The following CTNNA3 variants were observed in gnomAD, a reference collection of about 807,000 sequenced individuals.
CTNNA3 encodes catenin alpha-3.
A neutral mutation model predicts 95.7 loss-of-function variants in CTNNA3; 76 were observed. That is an observed-to-expected ratio of 0.79 (90% CI 0.66 to 0.96). The LOEUF (loss-of-function observed/expected upper bound fraction) is 0.96, where lower values mean the gene tolerates loss of function less well. Among genes scored for constraint, CTNNA3 ranks in the 40% least tolerant of loss-of-function variants. CTNNA3 has a pLI of 0.00. For synonymous variants in CTNNA3, 431 were observed against 374.4 expected (o/e 1.15, Z -1.74); for missense variants, 1,191 against 1,089.8 (o/e 1.09, Z -1.31).
At chr10:66,496,772 G>A (rs1005653852) in intron 11 of CTNNA3, among the ~76,000 whole-genome samples, 4 of 152,160 alleles carry the variant, frequency 2.6e-5, no homozygotes, top group East Asian at 1.9e-4. Flanking sequence ...GTGCTAGGTC[G>A]TTCAGAACAA....
At position 66,251,867 on chromosome 10, in the gene CTNNA3, C is replaced by T. The variant is rs182863888; in HGVS notation, c.1884+28603G>A. 1.5e-4 allele frequency among the ~76,000 whole-genome samples: 23 copies of T among 152,280 alleles called. No individual in the cohort carries two copies. In the East Asian group the frequency reaches 3.3e-3, roughly 22 times the overall value. On this transcript the variant is annotated intron_variant, in intron 13 of 17. Coordinates refer to ENST00000433211, the MANE Select transcript of CTNNA3 (RefSeq NM_013266.4). Reference sequence around the variant, plus strand: ...TAATCCTCAGTGGGAGATTTATCATCCCCATTTTGCAAATGAGGAAACACT... The same window carrying T: ...TAATCCTCAGTGGGAGATTTATCATTCCCATTTTGCAAATGAGGAAACACT...
At chr10:67,576,769 T>C (rs908015244) in intron 3 of CTNNA3, among the ~76,000 whole-genome samples, 1 of 112,648 alleles carries the variant, frequency 8.9e-6, no homozygotes, top group African/African-American at 4.6e-5. Flanking sequence ...GTGTTCTCAT[T>C]GTTCAATTCC....
chr10:66,151,380 A>G (rs1290024543), intron 13 of CTNNA3, among the ~76,000 whole-genome samples: 1 of 152,014 alleles, frequency 6.6e-6, no homozygotes, highest in African/African-American at 2.4e-5. Context: ...TAACTAAAAA[A>G]TGATAATAGT....
chr10:67,575,676 G>C (rs1313555898), intron 3 of CTNNA3, among the ~76,000 whole-genome samples: 1 of 152,068 alleles, frequency 6.6e-6, no homozygotes, highest in Admixed American at 6.6e-5. Flanking sequence ...GATTCTAGTG[G>C]GCAGAGTGAC....
chr10:67,096,400 T>C (rs1331839647), intron 7 of CTNNA3, among the ~76,000 whole-genome samples: 1 of 151,802 alleles, frequency 6.6e-6, no homozygotes, highest in Non-Finnish European at 1.5e-5. Flanking sequence ...AGGCCTTCTA[T>C]TTTTCTTAGC....
At chr10:67,155,906 G>C (rs902787520) in intron 7 of CTNNA3, among the ~76,000 whole-genome samples, 2 of 152,118 alleles carry the variant, frequency 1.3e-5, no homozygotes, top group African/African-American at 4.8e-5. Context: ...ATTCACCAGA[G>C]AAGCTATCTG....
At chr10:66,103,636 A>G (rs1423254807) in intron 13 of CTNNA3, among the ~76,000 whole-genome samples, 1 of 152,190 alleles carries the variant, frequency 6.6e-6, no homozygotes, top group Non-Finnish European at 1.5e-5. Flanking sequence ...AAGGCCACAT[A>G]TTGTATGATC....
At chr10:67,052,520 T>C (rs1038510444) in intron 7 of CTNNA3, 1 of 152,180 alleles carries the variant, frequency 6.6e-6, no homozygotes, top group Non-Finnish European at 1.5e-5. Context: ...AGAGAGCACA[T>C]GGTGATCAAG....
intron 2 of CTNNA3, among the ~76,000 whole-genome samples, chr10:67,613,508 G>C (rs1375739644): frequency 6.6e-6 from 1 of 152,154 alleles, no homozygotes; most frequent in Non-Finnish European, 1.5e-5. Context: ...ACACATAGCA[G>C]CTTTCATTAA....
At chr10:66,041,691 C>T (rs1389685858) in intron 15 of CTNNA3, among the ~76,000 whole-genome samples, 9 of 152,242 alleles carry the variant, frequency 5.9e-5, no homozygotes, top group African/African-American at 1.9e-4. Flanking sequence ...CTCTCTCTCA[C>T]TCCCCACATC....
intron 6 of CTNNA3, among the ~76,000 whole-genome samples, chr10:67,184,341 T>C (rs1862731437): frequency 6.6e-6 from 1 of 152,178 alleles, no homozygotes; most frequent in South Asian, 2.1e-4. Flanking sequence ...ATCGTAGTGG[T>C]AAAGCCATGT....
At chr10:66,691,548 G>C (rs12241809) in intron 9 of CTNNA3, among the ~76,000 whole-genome samples, 2 of 151,968 alleles carry the variant, frequency 1.3e-5, no homozygotes, top group South Asian at 2.1e-4. Flanking sequence ...GACAAACAAA[G>C]AGACAGCAGT....
At chr10:66,334,315 C>T (rs1395489324) in intron 12 of CTNNA3, among the ~76,000 whole-genome samples, 1 of 151,926 alleles carries the variant, frequency 6.6e-6, no homozygotes, top group Non-Finnish European at 1.5e-5. Context: ...GTAGTTTCTT[C>T]CTAGCCTCGA....
chr10:67,450,253 C>A (rs1166153766), intron 5 of CTNNA3, among the ~76,000 whole-genome samples: 1 of 152,114 alleles, frequency 6.6e-6, no homozygotes, highest in African/African-American at 2.4e-5. Context: ...CCTCAAAGAC[C>A]TAAAAACAGA....
At chr10:67,411,938 G>T (rs1845382091) in intron 5 of CTNNA3, among the ~76,000 whole-genome samples, 1 of 151,810 alleles carries the variant, frequency 6.6e-6, no homozygotes, top group Non-Finnish European at 1.5e-5. Context: ...TCTTAACTTT[G>T]GTGATAAAAA....
At chr10:67,545,104 G>T (rs1473719381) in intron 3 of CTNNA3, among the ~76,000 whole-genome samples, 1 of 152,068 alleles carries the variant, frequency 6.6e-6, no homozygotes, top group Non-Finnish European at 1.5e-5. Flanking sequence ...AAGTTCTAGG[G>T]TACACGTGCA....
At chr10:66,192,743 T>C (rs562508693) in intron 13 of CTNNA3, among the ~76,000 whole-genome samples, 1 of 152,300 alleles carries the variant, frequency 6.6e-6, no homozygotes, top group East Asian at 1.9e-4. Flanking sequence ...TCTTTACCCC[T>C]TTCCCAAAAC....
intron 13 of CTNNA3, among the ~76,000 whole-genome samples, chr10:66,199,021 T>A (rs2087140350): frequency 6.6e-6 from 1 of 152,206 alleles, no homozygotes; most frequent in Non-Finnish European, 1.5e-5. Flanking sequence ...CTGCCTTTTA[T>A]CCTGCCCAAG....
intron 1 of CTNNA3, among the ~76,000 whole-genome samples, chr10:67,690,945 G>A (rs890680394): frequency 1.2e-4 from 19 of 152,224 alleles, no homozygotes; most frequent in South Asian, 4.1e-4. Flanking sequence ...ATGCCGAGCC[G>A]AAGCTGGACG....
Sources: gnomAD v4.1 joint callset for allele counts (sites outside exome capture counted in the v4.1 genomes callset) on GRCh38, gnomAD v4.1.1 for gene constraint, MANE v1.5 for transcripts, NCBI Gene and HGNC (gene_info 2026-07-23, HGNC 2026-07-21) for gene names.